Variants in KIRREL1 observed in about 807,000 individuals in gnomAD.
KIRREL1 encodes kirre like nephrin family adhesion molecule 1.
KIRREL1 carries 25 observed loss-of-function variants against 83.3 expected under a neutral mutation model. That is an observed-to-expected ratio of 0.30 (90% CI 0.22 to 0.42). KIRREL1 has a LOEUF of 0.42. KIRREL1 is among the 10% of genes least tolerant of loss of function. The pLI is 1.00. For missense variants in KIRREL1, 812 were observed against 1,032.3 expected (o/e 0.79, Z 2.92); for synonymous variants, 388 against 410.4 (o/e 0.95, Z 0.66).
chr1:158,024,283 T>C (rs1660098633), intron 1 of KIRREL1, among the ~76,000 whole-genome samples: 1 of 140,074 alleles, frequency 7.1e-6, no homozygotes, highest in Non-Finnish European at 1.5e-5. Context: ...TTTTTTTTTT[T>C]TTTTTTTTTT....
intron 1 of KIRREL1, among the ~76,000 whole-genome samples, chr1:158,065,197 A>T (rs965729969): frequency 1.3e-5 from 2 of 152,040 alleles, no homozygotes; most frequent in Non-Finnish European, 2.9e-5. Flanking sequence ...ACTGTTCCTA[A>T]AAGTGCCAGG....
chr1:158,044,018 A>G (rs1361736509), intron 1 of KIRREL1, among the ~76,000 whole-genome samples: 1 of 152,248 alleles, frequency 6.6e-6, no homozygotes, highest in African/African-American at 2.4e-5. Flanking sequence ...GGCAATCCAC[A>G]TAAAAGAACA....
intron 1 of KIRREL1, among the ~76,000 whole-genome samples, chr1:158,037,786 C>T (rs2101683054): frequency 6.6e-6 from 1 of 152,264 alleles, no homozygotes; most frequent in Non-Finnish European, 1.5e-5. Flanking sequence ...TTCCAGGTAG[C>T]AGTTGGCTTG....
chr1:158,087,911 C>G (rs146051679), intron 6 of KIRREL1, 51 bp downstream of exon 6: 1 of 1,605,660 alleles, frequency 6.2e-7, no homozygotes, highest in Non-Finnish European at 8.5e-7. Flanking sequence ...AGGAAGAGTT[C>G]GGGGTTAGAG....
intron 3 of KIRREL1, among the ~76,000 whole-genome samples, chr1:158,081,324 A>C (rs1661848346): frequency 6.6e-6 from 1 of 152,220 alleles, no homozygotes; most frequent in South Asian, 2.1e-4. Context: ...GAAAGGAATA[A>C]TGAAATATAC....
intron 1 of KIRREL1, among the ~76,000 whole-genome samples, chr1:158,040,234 A>T (rs1660588600): frequency 6.6e-6 from 1 of 152,188 alleles, no homozygotes; most frequent in African/African-American, 2.4e-5. Flanking sequence ...CCTGGGCTTG[A>T]CCTCCAGGAT....
At chr1:158,077,519 C>T (rs916623388) in intron 2 of KIRREL1, among the ~76,000 whole-genome samples, 1 of 152,160 alleles carries the variant, frequency 6.6e-6, no homozygotes, top group Non-Finnish European at 1.5e-5. Context: ...GGGGAGCCAG[C>T]GGTCCCCTGC....
chr1:158,003,131 G>T (rs1380138803), intron 1 of KIRREL1, among the ~76,000 whole-genome samples: 1 of 151,886 alleles, frequency 6.6e-6, no homozygotes, highest in African/African-American at 2.4e-5. Flanking sequence ...GGAACAGCCC[G>T]GGGCCTTGCT....
chr1:158,021,208 G>T (rs1571542633), intron 1 of KIRREL1, among the ~76,000 whole-genome samples: 1 of 152,030 alleles, frequency 6.6e-6, no homozygotes, highest in South Asian at 2.1e-4. Flanking sequence ...AATCCTTTTG[G>T]TTGTTCTTCA....
intron 1 of KIRREL1, among the ~76,000 whole-genome samples, chr1:158,053,646 G>A (rs1044715200): frequency 6.6e-6 from 1 of 152,052 alleles, no homozygotes; most frequent in Non-Finnish European, 1.5e-5. Context: ...TTTTCCCATT[G>A]TTGGAATTGA....
intron 1 of KIRREL1, among the ~76,000 whole-genome samples, chr1:158,073,013 C>T (rs918564224): frequency 1.3e-5 from 2 of 152,130 alleles, no homozygotes; most frequent in South Asian, 4.1e-4. Flanking sequence ...TCAGAGAGAA[C>T]AGGACTTGGT....
chr1:158,020,449 A>G (rs1659973211), intron 1 of KIRREL1, among the ~76,000 whole-genome samples: 1 of 152,068 alleles, frequency 6.6e-6, no homozygotes, highest in Non-Finnish European at 1.5e-5. Flanking sequence ...AAAAGATCAT[A>G]CATTCTGTTT....
At chr1:158,012,536 T>A (rs1377467738) in intron 1 of KIRREL1, among the ~76,000 whole-genome samples, 1 of 151,992 alleles carries the variant, frequency 6.6e-6, no homozygotes, top group East Asian at 1.9e-4. Context: ...AATACTAACC[T>A]TTTTTTTGGT....
In KIRREL1 at chr1:158,098,676, A is replaced by G. The variant is rs1452776579; in HGVS notation, c.*3556A>G. On this transcript the variant is annotated 3_prime_UTR_variant, in exon 15 of 15. Coordinates refer to ENST00000359209, the MANE Select transcript of KIRREL1 (RefSeq NM_018240.7). ...CTCAAAGTCCAGCCACAGAGTTTGC[A>G]TGAAGCAAAAAGCCTAGTAAGTGAG... The G allele has an allele frequency of 6.6e-6, 1 of 152,276 alleles. No individual in the cohort carries two copies. The highest frequency in any genetic ancestry group is 1.5e-5 in the Non-Finnish European group (1 of 68,074). 9.4% of individuals were successfully genotyped at this position (152,276 alleles called of 1,614,324 possible).
At chr1:158,029,337 C>CTGTGTGTGTGTG (rs60980289) in intron 1 of KIRREL1, among the ~76,000 whole-genome samples, 1,766 of 69,290 alleles carry the variant, frequency 0.025, 15 homozygotes, top group East Asian at 0.05. Flanking sequence ...TAACAAAAAC[C>CTGTGTGTGTGTG]TGTGTGTGTG....
intron 2 of KIRREL1, 34 bp downstream of exon 2, chr1:158,076,296 C>T (rs1257925440): frequency 1.2e-6 from 2 of 1,601,492 alleles, no homozygotes; most frequent in Non-Finnish European, 1.7e-6. Flanking sequence ...CCAAACTGTC[C>T]CATCTTCTCC....
chr1:158,023,124 G>A (rs1230844910), intron 1 of KIRREL1, among the ~76,000 whole-genome samples: 1 of 152,190 alleles, frequency 6.6e-6, no homozygotes, highest in Non-Finnish European at 1.5e-5. Context: ...TCGGGCCTTG[G>A]AAAGGGCAAA....
At chr1:158,093,174 A>G (rs181858426) in intron 11 of KIRREL1, among the ~76,000 whole-genome samples, 165 bp from the exon 12 acceptor site, 2 of 152,266 alleles carry the variant, frequency 1.3e-5, no homozygotes, top group Admixed American at 6.5e-5. Context: ...TCTCTAATCC[A>G]ACCTTGACTT....
chr1:157,999,635 A>G (rs1659300372), intron 1 of KIRREL1, among the ~76,000 whole-genome samples: 1 of 149,374 alleles, frequency 6.7e-6, no homozygotes, highest in South Asian at 2.1e-4. Context: ...CCCCTTCCCG[A>G]CCTACCAGTT....
Sources: gnomAD v4.1 joint callset for allele counts (sites outside exome capture counted in the v4.1 genomes callset) on GRCh38, gnomAD v4.1.1 for gene constraint, MANE v1.5 for transcripts, NCBI Gene and HGNC (gene_info 2026-07-23, HGNC 2026-07-21) for gene names.